The following USP15 variants were observed in gnomAD, a reference collection of about 807,000 sequenced individuals.
USP15 encodes ubiquitin specific peptidase 15, also known as ubiquitin carboxyl-terminal hydrolase 15.
USP15 carries 18 observed loss-of-function variants against 127.1 expected under a neutral mutation model. That is an observed-to-expected ratio of 0.14 (90% CI 0.10 to 0.21). The LOEUF is 0.21. USP15 is among the 10% of genes least tolerant of loss of function. The pLI, the probability that USP15 is intolerant of heterozygous loss-of-function variation, is 1.00. For missense variants in USP15, 805 were observed against 1,159.9 expected, an observed-to-expected ratio of 0.69 and a Z score of 4.44; for synonymous variants, 364 against 393.7, an observed-to-expected ratio of 0.92 and a Z score of 0.89.
At chr12:62,260,646 T>A in intron 1 of USP15, 143 bp downstream of exon 1, 1 of 748,416 alleles carries the variant, frequency 1.3e-6, no homozygotes, top group Non-Finnish European at 2.2e-6. Flanking sequence ...TGGCCGCTTC[T>A]GAAATGTTGG....
chr12:62,410,637 A>C lies in USP15; in HGVS notation c.*6262A>C, dbSNP rs905345511. On this transcript the variant is annotated 3_prime_UTR_variant, in exon 22 of 22. Coordinates refer to ENST00000280377, the MANE Select transcript of USP15 (RefSeq NM_001252078.2). ...TAGGAAACATTCTACACTTACAACA[A>C]CTTCCACCATAGCTAGCTCCAAACA... 1 of 152,130 alleles carries C rather than the reference A, an allele frequency of 6.6e-6. No homozygotes were observed. Among genetic ancestry groups the C allele is most frequent in the Non-Finnish European group, 1.5e-5 (1 of 68,020 alleles). 9.4% of individuals were successfully genotyped at this position (152,130 alleles called of 1,614,324 possible). A position where few individuals can be genotyped will look rare whatever the true frequency, so the allele number is the denominator to read the frequency against.
chr12:62,318,699 A>G (rs1450113860), intron 4 of USP15, among the ~76,000 whole-genome samples: 1 of 152,126 alleles, frequency 6.6e-6, no homozygotes, highest in East Asian at 1.9e-4. Context: ...CTTCATTTGT[A>G]TATCTGACAG....
intron 1 of USP15, among the ~76,000 whole-genome samples, chr12:62,274,468 G>A (rs1369429465): frequency 1.3e-5 from 2 of 148,766 alleles, no homozygotes; most frequent in Admixed American, 1.3e-4. Context: ...CCTCAAATTA[G>A]ACCTGTCCCT....
At chr12:62,358,294 T>C (rs190694603) in intron 8 of USP15, among the ~76,000 whole-genome samples, 1 of 152,334 alleles carries the variant, frequency 6.6e-6, no homozygotes, top group East Asian at 1.9e-4. Flanking sequence ...CTGAGTGTGA[T>C]TTAACATTAT....
intron 8 of USP15, among the ~76,000 whole-genome samples, chr12:62,358,190 T>C (rs942747408): frequency 6.6e-6 from 1 of 152,140 alleles, no homozygotes; most frequent in African/African-American, 2.4e-5. Context: ...AGTATACTTT[T>C]TTAATGTAAG....
intron 21 of USP15, among the ~76,000 whole-genome samples, chr12:62,403,271 A>G (rs569206920): frequency 2.0e-5 from 3 of 152,188 alleles, no homozygotes; most frequent in African/African-American, 7.2e-5. Flanking sequence ...GGTTGAGACA[A>G]TGGTGGGCTG....
At chr12:62,328,225 A>G (rs911551356) in intron 6 of USP15, 4 of 427,996 alleles carry the variant, frequency 9.3e-6, no homozygotes, top group Non-Finnish European at 1.9e-5. Context: ...CTAATATAAG[A>G]TTAATTTATA....
intron 11 of USP15, among the ~76,000 whole-genome samples, chr12:62,386,821 G>A (rs1156806258): frequency 6.6e-6 from 1 of 152,160 alleles, no homozygotes; most frequent in Non-Finnish European, 1.5e-5. Context: ...ACAGAGATCA[G>A]TTAGAAAAGG....
At chr12:62,380,351 C>T (rs1444635404) in intron 8 of USP15, among the ~76,000 whole-genome samples, 1 of 151,976 alleles carries the variant, frequency 6.6e-6, no homozygotes, top group Non-Finnish European at 1.5e-5. Flanking sequence ...AATGTTGACT[C>T]TGCTTATTTT....
intron 3 of USP15, among the ~76,000 whole-genome samples, chr12:62,307,959 T>A (rs948921083): frequency 1.3e-5 from 2 of 152,112 alleles, no homozygotes; most frequent in Non-Finnish European, 2.9e-5. Flanking sequence ...TTTATTATAG[T>A]ATATTGTTCT....
At chr12:62,399,691 A>G (rs2137660335) in intron 20 of USP15, among the ~76,000 whole-genome samples, 1 of 152,066 alleles carries the variant, frequency 6.6e-6, no homozygotes, top group African/African-American at 2.4e-5. Flanking sequence ...TCCATGGTTG[A>G]TATTTGAGGA....
At chr12:62,367,989 A>G (rs2066533606) in intron 8 of USP15, among the ~76,000 whole-genome samples, 1 of 152,172 alleles carries the variant, frequency 6.6e-6, no homozygotes. Context: ...AATGTGTCCC[A>G]GAGATTCTGG....
chr12:62,279,996 C>A (rs1017220012), intron 1 of USP15, among the ~76,000 whole-genome samples: 1 of 152,018 alleles, frequency 6.6e-6, no homozygotes, highest in Non-Finnish European at 1.5e-5. Context: ...CACTTTGTAA[C>A]CTTGGGCAAG....
intron 1 of USP15, among the ~76,000 whole-genome samples, chr12:62,274,955 G>C (rs1008424701): frequency 1.3e-5 from 2 of 152,262 alleles, no homozygotes; most frequent in African/African-American, 4.8e-5. Flanking sequence ...ACTAAAAATA[G>C]TGTGGAAGGG....
At chr12:62,344,312 G>C (rs1328046032) in intron 6 of USP15, among the ~76,000 whole-genome samples, 1 of 152,206 alleles carries the variant, frequency 6.6e-6, no homozygotes, top group African/African-American at 2.4e-5. Context: ...TATAGGCCCA[G>C]TGCAAGTCCG....
At chr12:62,295,116 C>CAG (rs764441521) in intron 2 of USP15, among the ~76,000 whole-genome samples, 19 of 151,974 alleles carry the variant, frequency 1.3e-4, no homozygotes, top group Non-Finnish European at 2.5e-4. Context: ...GTGAGTAGCT[C>CAG]AGAGAGAGAG....
intron 1 of USP15, among the ~76,000 whole-genome samples, chr12:62,283,160 GATAACCC>G (rs1399424866): frequency 6.6e-6 from 1 of 152,180 alleles, no homozygotes; most frequent in Non-Finnish European, 1.5e-5. Context: ...TTAAGGGGCA[GATAACCC>G]GTTACAAACT....
At chr12:62,327,129 C>T (rs1222950104) in intron 6 of USP15, among the ~76,000 whole-genome samples, 1 of 151,842 alleles carries the variant, frequency 6.6e-6, no homozygotes, top group African/African-American at 2.4e-5. Flanking sequence ...CGACTTTCTC[C>T]AAAAAATAAA....
At chr12:62,395,690 G>C (rs1242987108) in intron 19 of USP15, among the ~76,000 whole-genome samples, 1 of 150,438 alleles carries the variant, frequency 6.6e-6, no homozygotes, top group Non-Finnish European at 1.5e-5. Context: ...CTTCTACTCT[G>C]TCTGTCTATG....
Sources: gnomAD v4.1 joint callset for allele counts (sites outside exome capture counted in the v4.1 genomes callset) on GRCh38, gnomAD v4.1.1 for gene constraint, MANE v1.5 for transcripts, NCBI Gene and HGNC (gene_info 2026-07-23, HGNC 2026-07-21) for gene names.